CASD1: variants seen among roughly 807,000 people sequenced by gnomAD.
CASD1 encodes the protein N-acetylneuraminate (7)9-O-acetyltransferase.
Under a neutral mutation model 100.0 loss-of-function variants are expected in CASD1, and 41 were observed. That is an observed-to-expected ratio of 0.41 (90% CI 0.32 to 0.53). CASD1 has a LOEUF of 0.53. Ranked by LOEUF, CASD1 falls within the 20% of genes least tolerant of loss-of-function variation. The pLI is 0.25. For synonymous variants in CASD1, 321 were observed against 315.6 expected, an observed-to-expected ratio of 1.02 and a Z score of -0.18; for missense variants, 774 against 948.7, an observed-to-expected ratio of 0.82 and a Z score of 2.42.
Position 94,509,822 on chromosome 7 carries a change from A to T in CASD1, c.-263A>T. On this transcript the variant is annotated 5_prime_UTR_variant, in exon 1 of 18. Transcript: ENST00000297273. The stretch of plus-strand genomic sequence containing the variant: ...GAGGAAGGGGAGGAGACAGGCGTCC[A>T]GGGCGCCTGGGGAACCGGCACGGCG... 4.0e-6 allele frequency: 4 copies of T among 990,030 alleles called. No homozygotes were observed. The highest frequency in any genetic ancestry group is 3.6e-6 in the Non-Finnish European group (3 of 835,394). The allele number at this position is 990,030 out of a possible 1,614,324, so 61.3% of individuals were successfully genotyped here.
chr7:94,555,987 A>G lies in CASD1; in HGVS notation c.*229A>G, dbSNP rs1217170540. On this transcript the variant is annotated 3_prime_UTR_variant, in exon 18 of 18. Transcript: ENST00000297273. ...CAAACAAAAAACCAGAATGCATTGT[A>G]TAGGATTGCATGTGAAGTCTTTTCT... 5.0e-6 allele frequency: 2 copies of G among 402,924 alleles called. No individual in the cohort carries two copies. The highest frequency in any genetic ancestry group is 6.6e-4 in the Middle Eastern group (1 of 1,520). 25.0% of individuals were successfully genotyped at this position (402,924 alleles called of 1,614,324 possible).
chr7:94,515,184 A>G (rs1793914253), intron 1 of CASD1, among the ~76,000 whole-genome samples: 1 of 152,126 alleles, frequency 6.6e-6, no homozygotes, highest in African/African-American at 2.4e-5. Flanking sequence ...TAACTGGTAC[A>G]TTTCCTGTCT....
intron 3 of CASD1, among the ~76,000 whole-genome samples, chr7:94,526,620 G>A (rs897470819): frequency 2.0e-5 from 3 of 151,958 alleles, no homozygotes; most frequent in Admixed American, 6.6e-5. Context: ...AAACCCCGTC[G>A]CTACAAAAAA....
chr7:94,515,882 A>G (rs929623814), intron 1 of CASD1, among the ~76,000 whole-genome samples: 2 of 152,176 alleles, frequency 1.3e-5, no homozygotes, highest in African/African-American at 2.4e-5. Context: ...GAGAAATGCT[A>G]TAAATATGGA....
intron 10 of CASD1, among the ~76,000 whole-genome samples, chr7:94,541,380 G>T (rs921837780): frequency 1.3e-5 from 2 of 151,592 alleles, no homozygotes; most frequent in African/African-American, 4.8e-5. Context: ...AAATTCTAGA[G>T]AATTATTAAA....
intron 7 of CASD1, among the ~76,000 whole-genome samples, chr7:94,535,011 T>A (rs80047124): frequency 0.011 from 1,733 of 152,286 alleles, 34 homozygotes; most frequent in African/African-American, 0.04. Context: ...TCCAAAAATG[T>A]TAAACTCTTA....
chr7:94,625,360 CTTTT>C, the CASD1 span: 2 of 151,594 alleles, frequency 1.3e-5, no homozygotes, highest in Non-Finnish European at 2.9e-5. Context: ...GGTAAACTTT[CTTTT>C]TTTTATCTTT....
intron 1 of CASD1, among the ~76,000 whole-genome samples, chr7:94,514,908 G>T (rs550816609): frequency 6.6e-6 from 1 of 151,870 alleles, no homozygotes; most frequent in Non-Finnish European, 1.5e-5. Flanking sequence ...GTTTTGTTTT[G>T]TTAGGTTTGT....
the CASD1 span, among the ~76,000 whole-genome samples, chr7:94,584,748 T>C: frequency 8.6e-5 from 13 of 151,970 alleles, no homozygotes; most frequent in South Asian, 2.1e-4. Context: ...CATAAAAGAG[T>C]TACTGCAAGG....
the CASD1 span, among the ~76,000 whole-genome samples, chr7:94,564,281 G>A: frequency 6.6e-6 from 1 of 152,176 alleles, no homozygotes; most frequent in South Asian, 2.1e-4. Context: ...TGAGCTTGTT[G>A]TAGTGTACTG....
Position 94,527,161 on chromosome 7 carries a change from G to A in CASD1, c.352-1G>A. The A allele has an allele frequency of 6.2e-7, 1 of 1,606,648 alleles. No homozygotes were observed. The highest frequency in any genetic ancestry group is 8.5e-7 in the Non-Finnish European group (1 of 1,174,070). On this transcript the variant is annotated splice_acceptor_variant, in intron 3 of 17. Transcript: ENST00000297273. LOFTEE classifies it high-confidence loss of function. ...TATTTCTCTGTCTCCTTTTATGGCA[G>A]CATGAAAACATTCCTTTTGAAGACA...
At chr7:94,542,129 C>T (rs550125928) in intron 10 of CASD1, among the ~76,000 whole-genome samples, 2 of 152,236 alleles carry the variant, frequency 1.3e-5, no homozygotes, top group East Asian at 1.9e-4. Flanking sequence ...AGTCCCAGCC[C>T]CAGTCTTTAA....
intron 1 of CASD1, among the ~76,000 whole-genome samples, chr7:94,511,837 T>C (rs1793724202): frequency 6.6e-6 from 1 of 152,204 alleles, no homozygotes; most frequent in Non-Finnish European, 1.5e-5. Flanking sequence ...TTTCATCTTA[T>C]CAAGATCTGT....
chr7:94,604,856 T>TATATATATATATAA, the CASD1 span, among the ~76,000 whole-genome samples: 1 of 86,290 alleles, frequency 1.2e-5, no homozygotes, highest in African/African-American at 5.1e-5. Flanking sequence ...TATATATATA[T>TATATATATATATAA]ATAATAGTTG....
chr7:94,566,272 A>G, the CASD1 span, among the ~76,000 whole-genome samples: 1 of 152,218 alleles, frequency 6.6e-6, no homozygotes, highest in Admixed American at 6.5e-5. Context: ...TTCTTAGTAC[A>G]GTGTACATAG....
rs1347524516 is a variant in CASD1 at position 94,555,770 on chromosome 7, T to C, written c.*12T>C. 6.2e-7 allele frequency: 1 copy of C among 1,605,756 alleles called. No individual in the cohort carries two copies. Among genetic ancestry groups the C allele is most frequent in the African/African-American group, 1.3e-5 (1 of 74,366 alleles). On this transcript the variant is annotated 3_prime_UTR_variant, in exon 18 of 18. Transcript: ENST00000297273. ...AATCAAAACATTAGGTTCCAAAAAT[T>C]CTAAAAAACCTAAACTCTTCAGGCT...
chr7:94,631,181 G>T, the CASD1 span, among the ~76,000 whole-genome samples: 1 of 151,894 alleles, frequency 6.6e-6, no homozygotes, highest in Non-Finnish European at 1.5e-5. Context: ...TTCCCCTGTG[G>T]CATTTACAGT....
intron 3 of CASD1, among the ~76,000 whole-genome samples, chr7:94,523,424 G>A (rs1794390806): frequency 6.6e-6 from 1 of 152,128 alleles, no homozygotes; most frequent in Admixed American, 6.5e-5. Flanking sequence ...ACAATGTAAA[G>A]TTCTAAAGGC....
At chr7:94,545,461 A>G in intron 11 of CASD1, 84 bp from the exon 12 acceptor site, 1 of 981,216 alleles carries the variant, frequency 1.0e-6, no homozygotes, top group Non-Finnish European at 1.6e-6. Flanking sequence ...ACTCTGTCAG[A>G]GAAAATCTGC....
Sources: allele counts gnomAD v4.1 joint callset (sites outside exome capture counted in the v4.1 genomes callset), GRCh38; gene constraint gnomAD v4.1.1; transcripts MANE v1.5; gene names NCBI Gene and HGNC (gene_info 2026-07-23, HGNC 2026-07-21).